DOCK11: variants seen among roughly 807,000 people sequenced by gnomAD.
DOCK11 encodes the protein dedicator of cytokinesis protein 11.
Under a neutral mutation model 169.1 loss-of-function variants are expected in DOCK11, and 70 were observed. The ratio of observed to expected loss-of-function variants is 0.41; its 90% CI spans 0.34 to 0.51. The LOEUF (loss-of-function observed/expected upper bound fraction) is 0.51, where lower values mean the gene tolerates loss of function less well. DOCK11 is among the 20% of genes least tolerant of loss of function. The pLI is 0.10. For synonymous variants in DOCK11, 529 were observed against 541.3 expected, an observed-to-expected ratio of 0.98 and a Z score of 0.32; for missense variants, 1,166 against 1,538.8, an observed-to-expected ratio of 0.76 and a Z score of 4.05.
At chrX:118,533,473 GTC>G (rs1021926096) in intron 1 of DOCK11, among the ~76,000 whole-genome samples, 3 of 112,047 alleles carry the variant, frequency 2.7e-5, no homozygotes, top group Non-Finnish European at 3.8e-5. Context: ...TCAAACTAGA[GTC>G]TGTCAGTTTT....
chrX:118,644,247 A>G (rs1217326383), intron 40 of DOCK11, among the ~76,000 whole-genome samples: 1 of 112,248 alleles, frequency 8.9e-6, no homozygotes, highest in Non-Finnish European at 1.9e-5. Flanking sequence ...CACAGTCCAG[A>G]TCTTCCACTG....
intron 45 of DOCK11, among the ~76,000 whole-genome samples, chrX:118,665,368 G>A (rs1311143168): frequency 8.9e-6 from 1 of 112,168 alleles, no homozygotes; most frequent in Non-Finnish European, 1.9e-5. Flanking sequence ...TTAGTTAGAT[G>A]ATTTCCCAGA....
At chrX:118,560,937 G>A (rs1196533681) in intron 6 of DOCK11, among the ~76,000 whole-genome samples, 1 of 111,895 alleles carries the variant, frequency 8.9e-6, no homozygotes, top group African/African-American at 3.3e-5. Context: ...GTACAGTGTA[G>A]ATGAGTACAT....
intron 10 of DOCK11, 140 bp downstream of exon 10, chrX:118,568,302 A>G: frequency 3.7e-6 from 1 of 273,104 alleles, no homozygotes; most frequent in East Asian, 7.3e-5. Flanking sequence ...TTTGCTTTGA[A>G]CAGGTAACTT....
intron 1 of DOCK11, among the ~76,000 whole-genome samples, chrX:118,527,873 T>A (rs2011413646): frequency 8.9e-6 from 1 of 112,173 alleles, no homozygotes; most frequent in Non-Finnish European, 1.9e-5. Flanking sequence ...ATTTTAGTAG[T>A]TTCACAGATT....
At chrX:118,569,733 ATT>A (rs3084778) in intron 10 of DOCK11, among the ~76,000 whole-genome samples, 33,115 of 102,326 alleles carry the variant, frequency 0.32, 4,269 homozygotes, top group East Asian at 0.54. Context: ...AAGTTATGTG[ATT>A]TTTTTTTTTT....
At chrX:118,501,075 A>G (rs1403647136) in intron 1 of DOCK11, among the ~76,000 whole-genome samples, 1 of 112,385 alleles carries the variant, frequency 8.9e-6, no homozygotes, top group Non-Finnish European at 1.9e-5. Context: ...AGAGGTAATT[A>G]TCATTTATTG....
At chrX:118,502,610 C>T (rs186463004) in intron 1 of DOCK11, among the ~76,000 whole-genome samples, 2 of 111,718 alleles carry the variant, frequency 1.8e-5, no homozygotes, top group African/African-American at 3.3e-5. Context: ...TGTGAACAGA[C>T]GCAAGTAACC....
chrX:118,514,132 G>A (rs1349288349), intron 1 of DOCK11, among the ~76,000 whole-genome samples: 1 of 110,000 alleles, frequency 9.1e-6, no homozygotes, highest in Non-Finnish European at 1.9e-5. Context: ...TTTTTTAAAC[G>A]TCTGACCTTT....
rs749851248 is a variant in DOCK11 at position 118,649,026 on chromosome X, A to T, written c.4480A>T (p.Ile1494Phe). The T allele has an allele frequency of 2.0e-5, 24 of 1,207,342 alleles. No homozygotes were observed. The highest frequency in any genetic ancestry group is 2.6e-5 in the Non-Finnish European group (23 of 893,493). The change falls in exon 41 of 53, where the codon ATT becomes TTT. Residue 1494 changes from isoleucine (I) to phenylalanine (F), a missense_variant. Transcript: ENST00000276202. ...GGTTTTAAAGTGCTGCACATCGAAG[A>T]TTAGCTCAACCAGGAATGAAGCATC... is the stretch of plus-strand genomic sequence containing the variant. ...YEVLKCCTSK[I>F]SSTRNEASAL...
intron 24 of DOCK11, among the ~76,000 whole-genome samples, chrX:118,606,836 A>G (rs2014518230): frequency 9.0e-6 from 1 of 111,389 alleles, no homozygotes; most frequent in Non-Finnish European, 1.9e-5. Flanking sequence ...CAGACCTACA[A>G]AATCAGAAAT....
chrX:118,655,006 A>G (rs1481213139), intron 44 of DOCK11, 45 bp downstream of exon 44: 3 of 1,111,763 alleles, frequency 2.7e-6, no homozygotes, highest in East Asian at 3.0e-5. Flanking sequence ...TTCATTTAGC[A>G]TAATAGTTTT....
At chrX:118,619,500 A>AAC (rs2014914622) in intron 31 of DOCK11, among the ~76,000 whole-genome samples, 1 of 55,977 alleles carries the variant, frequency 1.8e-5, no homozygotes, top group Non-Finnish European at 4.3e-5. Flanking sequence ...AAAAAAAAAT[A>AAC]TATATATATA....
chrX:118,648,198 TATATAATATTATAATATTATATAATA>T (rs1309240517), intron 40 of DOCK11, among the ~76,000 whole-genome samples: 7 of 71,315 alleles, frequency 9.8e-5, no homozygotes, highest in Non-Finnish European at 1.7e-4. Context: ...AATAATATAA[TATATAATATTATAATATTATATAATA>T]ATATAATATA....
chrX:118,605,478 G>A, intron 24 of DOCK11, 122 bp downstream of exon 24: 1 of 445,419 alleles, frequency 2.2e-6, no homozygotes. Flanking sequence ...ATAGGTTTTG[G>A]TATGTTGTGT....
At chrX:118,679,966 G>A (rs763502002) in intron 48 of DOCK11, among the ~76,000 whole-genome samples, 6 of 77,160 alleles carry the variant, frequency 7.8e-5, no homozygotes, top group East Asian at 8.1e-4. Context: ...TCACTTTGTC[G>A]CCCAGACTGG....
intron 31 of DOCK11, among the ~76,000 whole-genome samples, chrX:118,622,438 T>C (rs2014997740): frequency 8.9e-6 from 1 of 111,889 alleles, no homozygotes; most frequent in Admixed American, 9.5e-5. Flanking sequence ...GATACTTAGG[T>C]TATATTCTCT....
chrX:118,680,926 C>A, intron 49 of DOCK11, 132 bp from the exon 50 acceptor site: 1 of 625,012 alleles, frequency 1.6e-6, no homozygotes, highest in Admixed American at 3.7e-5. Context: ...TCCTGAAGTA[C>A]TATATGGGAC....
intron 49 of DOCK11, 120 bp downstream of exon 49, chrX:118,680,812 C>T: frequency 1.5e-6 from 1 of 666,271 alleles, no homozygotes; most frequent in Non-Finnish European, 2.2e-6. Flanking sequence ...TTCTGCTGTT[C>T]AGTTACAAGT....
Sources: gnomAD v4.1 joint callset for allele counts (sites outside exome capture counted in the v4.1 genomes callset) on GRCh38, gnomAD v4.1.1 for gene constraint, MANE v1.5 for transcripts, NCBI Gene and HGNC (gene_info 2026-07-23, HGNC 2026-07-21) for gene names.